ABCA9: variants seen among roughly 807,000 people sequenced by gnomAD.
The protein encoded by ABCA9 is ATP binding cassette subfamily A member 9.
A neutral mutation model predicts 205.3 loss-of-function variants in ABCA9; 183 were observed. The observed-to-expected ratio is 0.89, with a 90% CI of 0.79 to 1.01. ABCA9 has a LOEUF of 1.01. ABCA9 is among the 50% of genes least tolerant of loss of function. The pLI is 0.00. For synonymous variants in ABCA9, 651 were observed against 683.3 expected (o/e 0.95, Z 0.74); for missense variants, 1,805 against 1,912.4 (o/e 0.94, Z 1.05).
chr17:69,000,433 T>C (rs1188020085), intron 25 of ABCA9, among the ~76,000 whole-genome samples: 1 of 152,170 alleles, frequency 6.6e-6, no homozygotes, highest in Non-Finnish European at 1.5e-5. Context: ...GATCAGATAG[T>C]TATAGATAAG....
chr17:68,995,685 G>A (rs1479168880), intron 26 of ABCA9, among the ~76,000 whole-genome samples: 4 of 84,938 alleles, frequency 4.7e-5, no homozygotes, highest in African/African-American at 1.5e-4. Flanking sequence ...CTCTCCTGGA[G>A]TTGCCTTTGA....
chr17:69,009,276 C>T (rs556448418), intron 23 of ABCA9, among the ~76,000 whole-genome samples: 3 of 152,178 alleles, frequency 2.0e-5, no homozygotes. Context: ...CGAATTGTAA[C>T]TCGGGGGTCA....
chr17:69,075,958 T>C, the ABCA9 span, among the ~76,000 whole-genome samples: 1 of 152,132 alleles, frequency 6.6e-6, no homozygotes. Context: ...ATAAGTTAGA[T>C]GTATTCCTAG....
chr17:69,008,024 T>C, intron 24 of ABCA9, 38 bp downstream of exon 24: 1 of 1,544,026 alleles, frequency 6.5e-7, no homozygotes, highest in Non-Finnish European at 8.9e-7. Context: ...CATGAAAAAA[T>C]AGTCTAATAA....
intron 27 of ABCA9, 119 bp downstream of exon 27, chr17:68,992,897 G>GCACGC: frequency 4.1e-6 from 3 of 728,980 alleles, no homozygotes; most frequent in Non-Finnish European, 6.9e-6. Context: ...GCATGTGTGT[G>GCACGC]TTGCTTCAAA....
intron 20 of ABCA9, 44 bp from the exon 21 acceptor site, chr17:69,017,833 C>T: frequency 6.3e-7 from 1 of 1,586,834 alleles, no homozygotes; most frequent in Non-Finnish European, 8.6e-7. Flanking sequence ...TGAAATAAAA[C>T]AATAGTCAAG....
chr17:69,025,883 G>T (rs941716933), intron 16 of ABCA9, among the ~76,000 whole-genome samples: 7 of 151,862 alleles, frequency 4.6e-5, no homozygotes, highest in African/African-American at 1.7e-4. Flanking sequence ...ACAATAATAT[G>T]AATATTCTAT....
the ABCA9 span, among the ~76,000 whole-genome samples, chr17:69,078,505 T>C: frequency 6.6e-6 from 1 of 152,160 alleles, no homozygotes; most frequent in East Asian, 1.9e-4. Flanking sequence ...CCCCTTACTT[T>C]TGAGTTTTAA....
upstream of ABCA9, among the ~76,000 whole-genome samples, chr17:69,062,642 C>T (rs1028975193): frequency 6.6e-6 from 1 of 152,082 alleles, no homozygotes; most frequent in African/African-American, 2.4e-5. Flanking sequence ...TCCACAGTAG[C>T]TGGGACTACA....
intron 6 of ABCA9, among the ~76,000 whole-genome samples, chr17:69,038,637 T>A (rs2071424792): frequency 6.6e-6 from 1 of 152,154 alleles, no homozygotes; most frequent in East Asian, 1.9e-4. Context: ...AGCAGAAACA[T>A]TCTCTTTGAA....
At chr17:68,992,900 G>A in intron 27 of ABCA9, 116 bp downstream of exon 27, 4 of 730,162 alleles carry the variant, frequency 5.5e-6, no homozygotes, top group Non-Finnish European at 9.0e-6. Flanking sequence ...TGTGTGTGTT[G>A]CTTCAAATGC....
chr17:69,007,558 G>A (rs1163620692), intron 25 of ABCA9, among the ~76,000 whole-genome samples: 1 of 152,160 alleles, frequency 6.6e-6, no homozygotes, highest in African/African-American at 2.4e-5. Context: ...GTTAGACCTG[G>A]AGATATGTTT....
chr17:69,056,008 T>C (rs2072059500), intron 1 of ABCA9, among the ~76,000 whole-genome samples: 1 of 152,118 alleles, frequency 6.6e-6, no homozygotes, highest in South Asian at 2.1e-4. Context: ...TGGCATACAG[T>C]GAAAGCTTTG....
At chr17:69,008,442 G>C (rs1263574244) in intron 23 of ABCA9, among the ~76,000 whole-genome samples, 1 of 152,210 alleles carries the variant, frequency 6.6e-6, no homozygotes, top group Non-Finnish European at 1.5e-5. Context: ...TGTCTAAAGG[G>C]AAAACGCACC....
intron 35 of ABCA9, 43 bp downstream of exon 35, chr17:68,984,013 C>T (rs9899965): frequency 1.2e-6 from 2 of 1,612,014 alleles, no homozygotes; most frequent in African/African-American, 2.7e-5. Context: ...TTGCTCACAG[C>T]ACACAACCTA....
chr17:69,028,631 T>C lies in ABCA9; in HGVS notation c.1519A>G (p.Ile507Val), dbSNP rs367606609. The C allele has an allele frequency of 2.8e-5, 45 of 1,595,824 alleles. No homozygotes were observed. Among genetic ancestry groups the C allele is most frequent in the Admixed American group, 7.0e-5 (4 of 57,476 alleles). ...AGGGCAGTGATCTGGCCTTCATATA[T>C]GTCAAACACCACACCTGGCATGATT... ...VEALKGVVFD[I>V]YEGQITALLG... is the part of the protein sequence containing the mutation. The change falls in exon 12 of 39, where the codon ATA (isoleucine) becomes GTA (valine). Residue 507 changes from isoleucine (I) to valine (V), a missense_variant. Ile to Val is a conservative substitution (Grantham distance 29). Transcript: ENST00000340001.
intron 23 of ABCA9, among the ~76,000 whole-genome samples, chr17:69,009,370 C>T (rs1598364833): frequency 6.6e-6 from 1 of 152,184 alleles, no homozygotes; most frequent in South Asian, 2.1e-4. Context: ...TCAGAAAGCA[C>T]TGTGGGCAGA....
At chr17:68,997,514 T>A (rs1266428655) in intron 25 of ABCA9, among the ~76,000 whole-genome samples, 1 of 151,962 alleles carries the variant, frequency 6.6e-6, no homozygotes, top group Non-Finnish European at 1.5e-5. Flanking sequence ...CTTGAATTCT[T>A]TATTTCCTGG....
chr17:69,004,257 T>C (rs2070018242), intron 25 of ABCA9, among the ~76,000 whole-genome samples: 1 of 152,212 alleles, frequency 6.6e-6, no homozygotes, highest in Non-Finnish European at 1.5e-5. Context: ...TTTTATCTAC[T>C]TTTGGTCTTT....
Sources: gnomAD v4.1 joint callset for allele counts (sites outside exome capture counted in the v4.1 genomes callset) on GRCh38, gnomAD v4.1.1 for gene constraint, MANE v1.5 for transcripts, NCBI Gene and HGNC (gene_info 2026-07-23, HGNC 2026-07-21) for gene names.